The following PDE1A variants were observed in gnomAD, a reference collection of about 807,000 sequenced individuals.
The protein encoded by PDE1A is phosphodiesterase 1A.
PDE1A carries 35 observed loss-of-function variants against 61.7 expected under a neutral mutation model. That is an observed-to-expected ratio of 0.57 (90% CI 0.43 to 0.75). The LOEUF is 0.75. Among genes scored for constraint, PDE1A ranks in the 30% least tolerant of loss-of-function variants. The probability of loss-of-function intolerance (pLI) is 0.00; values close to 1 mark genes in which losing one functional copy is unlikely to be tolerated. For synonymous variants in PDE1A, 232 were observed against 213.2 expected (o/e 1.09, Z -0.77); for missense variants, 597 against 630.6 (o/e 0.95, Z 0.57).
chr2:182,140,872 G>C (rs1485780511), exon 15 of PDE1A: 3 of 77,250 alleles, frequency 3.9e-5, no homozygotes, highest in Non-Finnish European at 7.3e-5. Context: ...GAAAAGGAGG[G>C]AGTATAGCAG....
intron 8 of PDE1A, among the ~76,000 whole-genome samples, chr2:182,205,708 A>G (rs1259868170): frequency 6.6e-6 from 1 of 152,218 alleles, no homozygotes; most frequent in Non-Finnish European, 1.5e-5. Context: ...GTGTGGTCTT[A>G]TTCAGACATA....
At chr2:182,662,237 A>AG in the PDE1A span, among the ~76,000 whole-genome samples, 1 of 151,152 alleles carries the variant, frequency 6.6e-6, no homozygotes, top group African/African-American at 2.4e-5. Flanking sequence ...ATCCAAAAAA[A>AG]AGTTTGTTAA....
intron 2 of PDE1A, among the ~76,000 whole-genome samples, chr2:182,490,913 A>G (rs1688345556): frequency 6.6e-6 from 1 of 152,156 alleles, no homozygotes; most frequent in South Asian, 2.1e-4. Flanking sequence ...GGCTGTAGAC[A>G]TAGTAGGGAA....
chr2:182,401,921 A>G (rs778038460), intron 1 of PDE1A, among the ~76,000 whole-genome samples: 4 of 152,220 alleles, frequency 2.6e-5, no homozygotes, highest in Non-Finnish European at 4.4e-5. Flanking sequence ...ACTGCCATTC[A>G]CAATTACTAC....
At chr2:182,183,004 T>C (rs748888329) in intron 13 of PDE1A, among the ~76,000 whole-genome samples, 2 of 152,190 alleles carry the variant, frequency 1.3e-5, no homozygotes, top group Non-Finnish European at 2.9e-5. Context: ...GAATTCAGCA[T>C]TAGGGACACC....
At chr2:182,202,558 A>G (rs1574672969) in intron 8 of PDE1A, among the ~76,000 whole-genome samples, 1 of 152,196 alleles carries the variant, frequency 6.6e-6, no homozygotes, top group Non-Finnish European at 1.5e-5. Context: ...CATGGCTCAG[A>G]TAAGATTCAA....
At chr2:182,295,585 T>A (rs1453375041) in intron 1 of PDE1A, among the ~76,000 whole-genome samples, 2 of 152,180 alleles carry the variant, frequency 1.3e-5, no homozygotes, top group Non-Finnish European at 2.9e-5. Flanking sequence ...GGATTAATAG[T>A]CTTCAGGGAT....
At chr2:182,683,673 A>G in the PDE1A span, among the ~76,000 whole-genome samples, 1 of 152,226 alleles carries the variant, frequency 6.6e-6, no homozygotes, top group South Asian at 2.1e-4. Context: ...AAAACAAAAC[A>G]AAGTCAATGA....
the PDE1A span, among the ~76,000 whole-genome samples, chr2:182,630,608 T>G: frequency 6.6e-6 from 1 of 152,238 alleles, no homozygotes; most frequent in African/African-American, 2.4e-5. Flanking sequence ...ATGAAAATTT[T>G]TAAACATTTC....
chr2:182,282,771 G>C (rs1039292875), intron 1 of PDE1A, among the ~76,000 whole-genome samples: 1 of 151,872 alleles, frequency 6.6e-6, no homozygotes, highest in South Asian at 2.1e-4. Context: ...TGCATGTTTT[G>C]TGTCTTAATA....
At chr2:182,407,651 G>T (rs1218491260) in intron 1 of PDE1A, among the ~76,000 whole-genome samples, 1 of 152,118 alleles carries the variant, frequency 6.6e-6, no homozygotes, top group Non-Finnish European at 1.5e-5. Context: ...ACAGTGCTGG[G>T]ATTACAGATG....
chr2:182,457,092 C>T (rs2125746074), intron 2 of PDE1A, among the ~76,000 whole-genome samples: 1 of 152,142 alleles, frequency 6.6e-6, no homozygotes, highest in East Asian at 1.9e-4. Context: ...TACACGTTCC[C>T]TTTCTTGTTA....
chr2:182,174,616 G>A (rs1490613598), intron 13 of PDE1A, among the ~76,000 whole-genome samples: 1 of 151,984 alleles, frequency 6.6e-6, no homozygotes, highest in East Asian at 1.9e-4. Flanking sequence ...TTTTTAAGCT[G>A]GCTTGTATAA....
chr2:182,341,482 T>C (rs1030366212), intron 1 of PDE1A, among the ~76,000 whole-genome samples: 3 of 152,212 alleles, frequency 2.0e-5, no homozygotes, highest in African/African-American at 7.2e-5. Context: ...GGTACACTCA[T>C]ATGGGAACTC....
the PDE1A span, among the ~76,000 whole-genome samples, chr2:182,644,263 CTG>C: frequency 4.5e-3 from 552 of 123,054 alleles, 6 homozygotes; most frequent in African/African-American, 9.2e-3. Flanking sequence ...TCTTAAGACT[CTG>C]TGTGTGTGTG....
chr2:182,224,167 T>C (rs544884504), intron 6 of PDE1A, among the ~76,000 whole-genome samples: 1 of 152,076 alleles, frequency 6.6e-6, no homozygotes, highest in African/African-American at 2.4e-5. Flanking sequence ...GGCATATAAG[T>C]TCAAAATTCA....
chr2:182,697,586 G>C, the PDE1A span, among the ~76,000 whole-genome samples: 1 of 152,222 alleles, frequency 6.6e-6, no homozygotes, highest in Non-Finnish European at 1.5e-5. Flanking sequence ...CTGCCAGGTG[G>C]ACAGGTGATA....
intron 1 of PDE1A, among the ~76,000 whole-genome samples, chr2:182,375,235 C>T (rs1036257925): frequency 1.3e-5 from 2 of 152,156 alleles, no homozygotes; most frequent in Non-Finnish European, 2.9e-5. Flanking sequence ...AAAGTCCTAA[C>T]TCATTTTAGC....
At chr2:182,302,288 C>T (rs1205662819) in intron 1 of PDE1A, among the ~76,000 whole-genome samples, 3 of 152,150 alleles carry the variant, frequency 2.0e-5, no homozygotes. Flanking sequence ...AATAATACCC[C>T]TACGAGAAAC....
Sources: gnomAD v4.1 joint callset for allele counts (sites outside exome capture counted in the v4.1 genomes callset) on GRCh38, gnomAD v4.1.1 for gene constraint, MANE v1.5 for transcripts, NCBI Gene and HGNC (gene_info 2026-07-23, HGNC 2026-07-21) for gene names.